The following IL12RB2 variants were observed in gnomAD, a reference collection of about 807,000 sequenced individuals.
IL12RB2 encodes the protein interleukin 12 receptor subunit beta 2.
Under a neutral mutation model 89.4 loss-of-function variants are expected in IL12RB2, and 82 were observed. The observed-to-expected ratio is 0.92, with a 90% CI of 0.77 to 1.10. The LOEUF is 1.10. IL12RB2 is among the 50% of genes least tolerant of loss of function. IL12RB2 has a pLI of 0.00. For synonymous variants in IL12RB2, 368 were observed against 370.1 expected, an observed-to-expected ratio of 0.99 and a Z score of 0.07; for missense variants, 963 against 1,031.9, an observed-to-expected ratio of 0.93 and a Z score of 0.92.
chr1:67,314,546 T>A (rs1252877752), intron 2 of IL12RB2, among the ~76,000 whole-genome samples: 1 of 152,204 alleles, frequency 6.6e-6, no homozygotes, highest in Non-Finnish European at 1.5e-5. Context: ...AGAACTGAGA[T>A]TCATTCACCT....
At chr1:67,381,005 C>T (rs1035916735) in intron 14 of IL12RB2, among the ~76,000 whole-genome samples, 2 of 152,184 alleles carry the variant, frequency 1.3e-5, no homozygotes, top group Admixed American at 1.3e-4. Context: ...TTGAGGATCA[C>T]CCAGTTCAAC....
In IL12RB2 at chr1:67,313,898, C is replaced by G. The variant is rs1558291816; in HGVS notation, c.-124-15C>G. 2 of 152,054 alleles carry G rather than the reference C, an allele frequency of 1.3e-5. No individual in the cohort carries two copies. The highest frequency in any genetic ancestry group is 1.3e-4 in the Admixed American group (2 of 15,270). 9.4% of individuals were successfully genotyped at this position (152,054 alleles called of 1,614,324 possible). ...TATTAATGTGAACTTGAGCAAGTCC[C>G]CTCTTTTTTTCTAGGTCACGGTGAT... On this transcript the variant is annotated splice_polypyrimidine_tract_variant and intron_variant, in intron 1 of 16. Coordinates refer to ENST00000674203, the MANE Select transcript of IL12RB2 (RefSeq NM_001374259.2).
At chr1:67,308,900 A>C (rs887914155) in intron 1 of IL12RB2, among the ~76,000 whole-genome samples, 1 of 152,076 alleles carries the variant, frequency 6.6e-6, no homozygotes, top group African/African-American at 2.4e-5. Context: ...CACACCTGTA[A>C]TCCCAGCTAC....
intron 10 of IL12RB2, among the ~76,000 whole-genome samples, chr1:67,362,227 C>T (rs1205948536): frequency 3.3e-5 from 5 of 150,412 alleles, no homozygotes; most frequent in African/African-American, 4.9e-5. Flanking sequence ...GCCAAAATCA[C>T]GCCACTGTAC....
chr1:67,369,215 A>T (rs896195919), intron 11 of IL12RB2, among the ~76,000 whole-genome samples: 2 of 152,200 alleles, frequency 1.3e-5, no homozygotes, highest in Non-Finnish European at 2.9e-5. Flanking sequence ...CCAGAGGAAG[A>T]TGACCAAGTT....
chr1:67,385,347 G>A (rs1665020012), intron 14 of IL12RB2, among the ~76,000 whole-genome samples: 2 of 152,298 alleles, frequency 1.3e-5, no homozygotes, highest in African/African-American at 2.4e-5. Context: ...AGATTCTTGT[G>A]AGAACTCCCT....
At chr1:67,326,672 A>G in intron 4 of IL12RB2, 63 bp from the exon 5 acceptor site, 7 of 1,589,210 alleles carry the variant, frequency 4.4e-6, no homozygotes, top group Non-Finnish European at 6.0e-6. Context: ...GATGGCAGAT[A>G]ATAACAATTC....
intron 16 of IL12RB2, among the ~76,000 whole-genome samples, chr1:67,395,022 C>T (rs1426858252): frequency 6.6e-6 from 1 of 152,032 alleles, no homozygotes; most frequent in African/African-American, 2.4e-5. Context: ...AATCCCAGCA[C>T]TTTGGGAGGC....
intron 9 of IL12RB2, among the ~76,000 whole-genome samples, chr1:67,341,606 A>T (rs1386151784): frequency 6.6e-6 from 1 of 152,120 alleles, no homozygotes; most frequent in East Asian, 1.9e-4. Context: ...GGAAAGAAAG[A>T]GAAAGCAAAA....
intron 14 of IL12RB2, among the ~76,000 whole-genome samples, chr1:67,386,209 A>AC (rs1398650476): frequency 1.4e-4 from 2 of 13,798 alleles, no homozygotes; most frequent in East Asian, 2.8e-3. Context: ...ACTCCATCTC[A>AC]AAAAAAAAAA....
intron 8 of IL12RB2, among the ~76,000 whole-genome samples, chr1:67,335,384 GA>G (rs962590386): frequency 2.0e-5 from 3 of 152,176 alleles, no homozygotes; most frequent in Non-Finnish European, 4.4e-5. Flanking sequence ...CTGTGTTAGG[GA>G]ATTGGTTGGG....
chr1:67,355,277 G>A (rs1661261069), intron 10 of IL12RB2, among the ~76,000 whole-genome samples: 1 of 151,986 alleles, frequency 6.6e-6, no homozygotes, highest in Admixed American at 6.6e-5. Flanking sequence ...AGCCAGGTGT[G>A]GTAGTGTGCG....
Position 67,372,529 on chromosome 1 carries a change from A to C in IL12RB2, c.1553A>C (p.His518Pro). 6.2e-7 allele frequency: 1 copy of C among 1,603,584 alleles called. No homozygotes were observed. ...AGCTCCATCCTGGGTAACTCTAAGCACAAAGGTGAGTCTTGGGATCTTTTG... is the reference window on the plus strand; with the variant it reads ...AGCTCCATCCTGGGTAACTCTAAGCCCAAAGGTGAGTCTTGGGATCTTTTG... ...GCSSILGNSK[H>P]KAPLSGPHIN... The change falls in exon 12 of 17, where the codon CAC (histidine) becomes CCC (proline). Residue 518 changes from histidine to proline, a missense_variant. Physicochemically the swap from His to Pro is moderately conservative, Grantham distance 77. Coordinates refer to ENST00000674203, the MANE Select transcript of IL12RB2 (RefSeq NM_001374259.2).
intron 9 of IL12RB2, 24 bp from the exon 10 acceptor site, chr1:67,350,846 G>A: frequency 1.2e-6 from 2 of 1,613,408 alleles, no homozygotes; most frequent in Non-Finnish European, 1.7e-6. Context: ...GGAGTAAATA[G>A]TGAATAAATG....
upstream of IL12RB2, chr1:67,307,702 C>G (rs1374208466): frequency 6.6e-6 from 1 of 152,278 alleles, no homozygotes; most frequent in Non-Finnish European, 1.5e-5. Context: ...CAGAGCTGAA[C>G]TGAGAAGCGA....
chr1:67,349,549 A>G (rs190472521), intron 9 of IL12RB2, among the ~76,000 whole-genome samples: 162 of 152,334 alleles, frequency 1.1e-3, no homozygotes, highest in Non-Finnish European at 1.8e-3. Flanking sequence ...TGCGACAGAC[A>G]TTTGAAATGC....
At chr1:67,376,327 C>T (rs534265608) in intron 13 of IL12RB2, among the ~76,000 whole-genome samples, 2 of 152,284 alleles carry the variant, frequency 1.3e-5, no homozygotes, top group Non-Finnish European at 2.9e-5. Context: ...AGCTGAATAC[C>T]ACTCTACGCT....
chr1:67,313,172 G>A (rs1438814744), intron 1 of IL12RB2, among the ~76,000 whole-genome samples: 1 of 152,134 alleles, frequency 6.6e-6, no homozygotes, highest in Non-Finnish European at 1.5e-5. Context: ...TAGCTAATTG[G>A]TAACTTGATT....
At chr1:67,392,459 C>T (rs774459494) in intron 16 of IL12RB2, among the ~76,000 whole-genome samples, 4 of 151,816 alleles carry the variant, frequency 2.6e-5, no homozygotes, top group East Asian at 3.9e-4. Context: ...AAAATGAGGG[C>T]GATTTTACAC....
Sources: gnomAD v4.1 joint callset for allele counts (sites outside exome capture counted in the v4.1 genomes callset) on GRCh38, gnomAD v4.1.1 for gene constraint, MANE v1.5 for transcripts, NCBI Gene and HGNC (gene_info 2026-07-23, HGNC 2026-07-21) for gene names.